Variants in AFF3 observed in about 807,000 individuals in gnomAD.
AFF3 encodes AF4/FMR2 family member 3.
Under a neutral mutation model 129.7 loss-of-function variants are expected in AFF3, and 32 were observed. The observed-to-expected ratio is 0.25, with a 90% CI of 0.19 to 0.33. The LOEUF (loss-of-function observed/expected upper bound fraction) is 0.33. Among genes scored for constraint, AFF3 ranks in the 10% least tolerant of loss-of-function variants. The pLI, the probability that AFF3 is intolerant of heterozygous loss-of-function variation, is 1.00. For synonymous variants in AFF3, 644 were observed against 635.4 expected (o/e 1.01, Z -0.20); for missense variants, 1,373 against 1,592.0 (o/e 0.86, Z 2.34).
intron 11 of AFF3, among the ~76,000 whole-genome samples, chr2:99,677,538 C>T (rs1207329768): frequency 1.3e-5 from 2 of 152,166 alleles, no homozygotes; most frequent in Non-Finnish European, 2.9e-5. Context: ...CATGTTGTAA[C>T]ACCCTTCCTG....
intron 10 of AFF3, among the ~76,000 whole-genome samples, chr2:99,727,644 C>G (rs543415973): frequency 6.6e-6 from 1 of 151,254 alleles, no homozygotes; most frequent in East Asian, 1.9e-4. Flanking sequence ...TCACTGCAAC[C>G]TCCACCTCCC....
intron 20 of AFF3, among the ~76,000 whole-genome samples, chr2:99,563,283 C>T (rs1410074457): frequency 1.3e-5 from 2 of 151,674 alleles, no homozygotes; most frequent in East Asian, 2.0e-4. Flanking sequence ...CTCCGCCTTC[C>T]AGGTTCACGC....
chr2:99,801,976 A>G (rs911720819), intron 8 of AFF3, among the ~76,000 whole-genome samples: 1 of 152,246 alleles, frequency 6.6e-6, no homozygotes, highest in Non-Finnish European at 1.5e-5. Context: ...ATTATGTATC[A>G]ATTATCATAT....
At chr2:99,989,710 C>T (rs1221548379) in intron 7 of AFF3, among the ~76,000 whole-genome samples, 1 of 151,972 alleles carries the variant, frequency 6.6e-6, no homozygotes, top group Non-Finnish European at 1.5e-5. Flanking sequence ...CCTGAGAGGT[C>T]CATCTGTGAA....
At chr2:100,045,566 G>GTTT (rs35208027) in intron 4 of AFF3, among the ~76,000 whole-genome samples, 2 of 143,550 alleles carry the variant, frequency 1.4e-5, no homozygotes, top group Non-Finnish European at 3.1e-5. Flanking sequence ...CTTATTGTAG[G>GTTT]TTTTTTTTTT....
intron 20 of AFF3, among the ~76,000 whole-genome samples, chr2:99,563,851 C>G (rs1384327427): frequency 6.7e-6 from 1 of 148,686 alleles, no homozygotes; most frequent in African/African-American, 2.5e-5. Context: ...AGAAAAAGAG[C>G]CAAATTTGTC....
chr2:99,976,288 C>T (rs571788515), intron 7 of AFF3, among the ~76,000 whole-genome samples: 1 of 152,118 alleles, frequency 6.6e-6, no homozygotes, highest in South Asian at 2.1e-4. Flanking sequence ...TTCTGGTCAT[C>T]AATTAAGAGT....
chr2:99,959,333 G>T (rs1676983380), intron 7 of AFF3, among the ~76,000 whole-genome samples: 1 of 109,954 alleles, frequency 9.1e-6, no homozygotes. Context: ...TGTAGCAAGA[G>T]TCTGCCAAAA....
At position 99,546,987 on chromosome 2, in the gene AFF3, T is replaced by C. The variant is rs1271279504; in HGVS notation, c.*4487A>G. 4.5e-6 allele frequency: 1 copy of C among 221,226 alleles called. No homozygotes were observed. Among genetic ancestry groups the C allele is most frequent in the Admixed American group, 5.7e-5 (1 of 17,410 alleles). The allele number at this position is 221,226 out of a possible 1,614,324, so 13.7% of individuals were successfully genotyped here. The stretch of plus-strand genomic sequence containing the variant: ...GTGCGCGCGTGTGTGCGTATGTGTA[T>C]GTATCAGGAAATAGCAAAGACAAAT... On this transcript the variant is annotated 3_prime_UTR_variant, in exon 25 of 25. Coordinates refer to ENST00000672756, the MANE Select transcript of AFF3 (RefSeq NM_001386135.1).
chr2:99,987,010 C>T lies in AFF3; in HGVS notation c.873+19622G>A, dbSNP rs144746029. On this transcript the variant is annotated intron_variant, in intron 7 of 24. Coordinates refer to ENST00000672756, the MANE Select transcript of AFF3 (RefSeq NM_001386135.1). Reference sequence around the variant, plus strand: ...TTAGGTCTTTGGTGAACGAAAAGGCCGATCGTTACAAACGTAATCACACAC... The same window carrying T: ...TTAGGTCTTTGGTGAACGAAAAGGCTGATCGTTACAAACGTAATCACACAC... 4.4e-4 allele frequency among the ~76,000 whole-genome samples: 67 copies of T among 152,178 alleles called. 1 individual carries two copies. In the East Asian group the frequency reaches 0.011, roughly 24 times the overall value.
intron 13 of AFF3, among the ~76,000 whole-genome samples, chr2:99,614,226 G>A (rs192972518): frequency 1.5e-4 from 23 of 152,328 alleles, no homozygotes; most frequent in South Asian, 1.2e-3. Context: ...TCTATTGGCC[G>A]TAGGGAACAA....
At chr2:99,717,065 G>A (rs1258948263) in intron 11 of AFF3, among the ~76,000 whole-genome samples, 4 of 152,080 alleles carry the variant, frequency 2.6e-5, no homozygotes, top group African/African-American at 9.7e-5. Flanking sequence ...ATGCTATAGC[G>A]TGAGCAGTTT....
rs573783543 is a variant in AFF3, at chr2:99,563,689, A to G, written c.3119+1798T>C. ...GCTGGATGTGGTGGTGCATGCCTGT[A>G]ATCCGAGCTACTGGGGAGGCTGAGG... On this transcript the variant is annotated intron_variant, in intron 20 of 24. Transcript: ENST00000672756. 2.6e-5 allele frequency among the ~76,000 whole-genome samples: 4 copies of G among 151,604 alleles called. No homozygotes were observed. The East Asian group carries it at 5.9e-4, about 22-fold the overall frequency.
chr2:100,096,251 G>A (rs906581911), intron 4 of AFF3, among the ~76,000 whole-genome samples: 1 of 151,994 alleles, frequency 6.6e-6, no homozygotes, highest in Admixed American at 6.6e-5. Flanking sequence ...TACAACAGAA[G>A]GTCCCGGGCT....
rs144196174 is a variant in AFF3 at position 99,714,877 on chromosome 2, A to G, written c.1091+12200T>C. On this transcript the variant is annotated intron_variant, in intron 11 of 24. Transcript: ENST00000672756. ...AAAAATTTTAATGAATATTATATCA[A>G]TGCAGGGACACTGACATGAACATGT... Among the ~76,000 whole-genome samples, 222 of 152,374 alleles carry G rather than the reference A, an allele frequency of 1.5e-3. 3 individuals carry two copies. The highest frequency in any genetic ancestry group is 5.1e-3 in the African/African-American group (212 of 41,600).
chr2:99,858,443 C>T (rs1330118152), intron 7 of AFF3, among the ~76,000 whole-genome samples: 6 of 151,662 alleles, frequency 4.0e-5, no homozygotes, highest in Non-Finnish European at 8.8e-5. Flanking sequence ...TCTAGCTACT[C>T]TGGAGACTGA....
At chr2:99,610,207 G>A (rs993800916) in intron 13 of AFF3, among the ~76,000 whole-genome samples, 7 of 152,094 alleles carry the variant, frequency 4.6e-5, no homozygotes, top group Non-Finnish European at 8.8e-5. Flanking sequence ...CCACCACCAC[G>A]ATTAAAATGT....
intron 11 of AFF3, among the ~76,000 whole-genome samples, chr2:99,712,651 T>G (rs1678003485): frequency 6.6e-6 from 1 of 152,232 alleles, no homozygotes; most frequent in African/African-American, 2.4e-5. Context: ...GCGACACTTT[T>G]GCTTCAGTAC....
chr2:99,966,786 T>C (rs937245370), intron 7 of AFF3, among the ~76,000 whole-genome samples: 1 of 150,066 alleles, frequency 6.7e-6, no homozygotes, highest in Admixed American at 6.6e-5. Flanking sequence ...TTTTAAGTCA[T>C]TGATAAATAA....
Sources: gnomAD v4.1 joint callset for allele counts (sites outside exome capture counted in the v4.1 genomes callset) on GRCh38, gnomAD v4.1.1 for gene constraint, MANE v1.5 for transcripts, NCBI Gene and HGNC (gene_info 2026-07-23, HGNC 2026-07-21) for gene names.